The following FNBP1L variants were observed in gnomAD, a reference collection of about 807,000 sequenced individuals.
FNBP1L encodes formin-binding protein 1-like.
FNBP1L carries 36 observed loss-of-function variants against 91.2 expected under a neutral mutation model. The ratio of observed to expected loss-of-function variants is 0.39; its 90% CI spans 0.30 to 0.52. The LOEUF is 0.52. FNBP1L is among the 20% of genes least tolerant of loss of function. FNBP1L has a pLI of 0.66. For synonymous variants in FNBP1L, 242 were observed against 237.0 expected (o/e 1.02, Z -0.19); for missense variants, 571 against 732.1 (o/e 0.78, Z 2.54).
intron 16 of FNBP1L, 145 bp from the exon 17 acceptor site, chr1:93,552,264 C>T: frequency 7.0e-7 from 1 of 1,437,986 alleles, no homozygotes; most frequent in Non-Finnish European, 9.1e-7. Flanking sequence ...TAATTTTGCC[C>T]ATGTTTTAAA....
At chr1:93,502,287 G>A (rs1165908609) in intron 2 of FNBP1L, among the ~76,000 whole-genome samples, 1 of 152,132 alleles carries the variant, frequency 6.6e-6, no homozygotes, top group East Asian at 1.9e-4. Context: ...CTTTTGAATT[G>A]TAGTCTTTTC....
At chr1:93,509,757 C>A (rs948443663) in intron 2 of FNBP1L, among the ~76,000 whole-genome samples, 8 of 152,226 alleles carry the variant, frequency 5.3e-5, no homozygotes, top group African/African-American at 1.9e-4. Flanking sequence ...GGTGCACGCA[C>A]CGTGCACGAG....
chr1:93,460,012 T>A (rs529997304), intron 1 of FNBP1L, among the ~76,000 whole-genome samples: 1 of 151,562 alleles, frequency 6.6e-6, no homozygotes, highest in African/African-American at 2.4e-5. Flanking sequence ...ATTATACTTA[T>A]CAATTGAGCA....
At chr1:93,527,826 A>G (rs1671541575) in intron 5 of FNBP1L, among the ~76,000 whole-genome samples, 1 of 152,196 alleles carries the variant, frequency 6.6e-6, no homozygotes, top group African/African-American at 2.4e-5. Flanking sequence ...TGACTATGAA[A>G]GGAAATGAAA....
Position 93,465,366 on chromosome 1 carries a change from C to G in FNBP1L, c.24+17061C>G, listed in dbSNP as rs138618734. Among the ~76,000 whole-genome samples, 1,513 of 152,044 alleles carry G rather than the reference C, an allele frequency of 1.0e-2. 27 individuals are homozygous for G. The highest frequency in any genetic ancestry group is 0.035 in the African/African-American group (1,442 of 41,442). ...TATCCCTCCCCCAGCCTCCCACCCC[C>G]CAACAGGCCGCGGTGTGTGATGTTC... On this transcript the variant is annotated intron_variant, in intron 1 of 16. Transcript: ENST00000271234.
intron 2 of FNBP1L, among the ~76,000 whole-genome samples, chr1:93,514,424 G>C (rs1670990689): frequency 6.8e-6 from 1 of 146,584 alleles, no homozygotes; most frequent in Non-Finnish European, 1.5e-5. Context: ...CTACTTTAAA[G>C]TTCATATGGA....
chr1:93,460,223 A>G (rs967394415), intron 1 of FNBP1L, among the ~76,000 whole-genome samples: 1 of 152,174 alleles, frequency 6.6e-6, no homozygotes, highest in Admixed American at 6.5e-5. Context: ...TACAGCCCTT[A>G]TAAAAGGACT....
At chr1:93,478,966 C>A (rs145882394) in intron 1 of FNBP1L, among the ~76,000 whole-genome samples, 1 of 152,158 alleles carries the variant, frequency 6.6e-6, no homozygotes, top group Non-Finnish European at 1.5e-5. Flanking sequence ...AAAAGGCAGC[C>A]ATTTAAACTT....
chr1:93,538,259 ATTT>A (rs35394326), intron 10 of FNBP1L, among the ~76,000 whole-genome samples: 3 of 144,852 alleles, frequency 2.1e-5, no homozygotes, highest in African/African-American at 5.1e-5. Flanking sequence ...GTGTCATCTT[ATTT>A]TTTTTTTTTT....
At chr1:93,469,236 A>C (rs913210794) in intron 1 of FNBP1L, among the ~76,000 whole-genome samples, 29 of 141,706 alleles carry the variant, frequency 2.0e-4, no homozygotes, top group African/African-American at 3.4e-4. Flanking sequence ...TCCTCCCCTA[A>C]CCCCCCACCC....
chr1:93,536,410 A>G lies in FNBP1L; in HGVS notation c.1069A>G (p.Ile357Val), dbSNP rs1470028227. The change falls in exon 10 of 17, where the codon ATT becomes GTT. Residue 357 changes from isoleucine to valine, a missense_variant. Physicochemically the swap from Ile to Val is conservative, Grantham distance 29. Coordinates refer to ENST00000271234, the MANE Select transcript of FNBP1L (RefSeq NM_001164473.3). Reference protein sequence around the residue: ...PNGSQFLTFSIEPVHYCMNEI... With the variant: ...PNGSQFLTFSVEPVHYCMNEI... ...TGGGTCCCAGTTTCTCACATTCTCC[A>G]TTGAGCCCGTGCATTATTGTATGAA... 2.6e-6 allele frequency: 4 copies of G among 1,550,854 alleles called. No individual in the cohort carries two copies.
At chr1:93,476,480 A>AT (rs1164093510) in intron 1 of FNBP1L, among the ~76,000 whole-genome samples, 2 of 152,248 alleles carry the variant, frequency 1.3e-5, no homozygotes, top group African/African-American at 4.8e-5. Context: ...TAACCTAAGG[A>AT]TAGGGATATT....
intron 1 of FNBP1L, among the ~76,000 whole-genome samples, chr1:93,454,670 G>A (rs1035894906): frequency 6.6e-6 from 1 of 151,744 alleles, no homozygotes; most frequent in Non-Finnish European, 1.5e-5. Flanking sequence ...TATACTGTAG[G>A]CCCTCCATAT....
chr1:93,500,764 G>A (rs1670418137), intron 2 of FNBP1L, among the ~76,000 whole-genome samples: 1 of 152,198 alleles, frequency 6.6e-6, no homozygotes, highest in Admixed American at 6.5e-5. Flanking sequence ...CTGACTGGAT[G>A]TAGGGATGGA....
chr1:93,547,102 T>G, intron 13 of FNBP1L, 128 bp downstream of exon 13: 2 of 1,133,130 alleles, frequency 1.8e-6, no homozygotes, highest in Non-Finnish European at 2.5e-6. Context: ...CTAAAAGTAT[T>G]ATTGTGATGT....
At chr1:93,519,777 C>G (rs1279764709) in intron 2 of FNBP1L, among the ~76,000 whole-genome samples, 6 of 152,110 alleles carry the variant, frequency 3.9e-5, no homozygotes, top group Non-Finnish European at 1.5e-5. Flanking sequence ...TAGTGAAACC[C>G]TGTCTCTTTA....
Position 93,448,281 on chromosome 1 carries a change from C to A in FNBP1L, c.-1C>A. The stretch of plus-strand genomic sequence containing the variant: ...CCGCCAGACGGCCAGAAAGTTCCGC[C>A]ATGAGCTGGGGCACGGAGCTGTGGG... On this transcript the variant is annotated 5_prime_UTR_variant, in exon 1 of 17. Coordinates refer to ENST00000271234, the MANE Select transcript of FNBP1L (RefSeq NM_001164473.3). The A allele has an allele frequency of 6.6e-7, 1 of 1,519,294 alleles. No individual in the cohort carries two copies. The highest frequency in any genetic ancestry group is 8.8e-7 in the Non-Finnish European group (1 of 1,133,204). 94.1% of individuals were successfully genotyped at this position (1,519,294 alleles called of 1,614,324 possible).
At chr1:93,521,995 G>T in intron 2 of FNBP1L, 87 bp from the exon 3 acceptor site, 1 of 710,646 alleles carries the variant, frequency 1.4e-6, no homozygotes. Context: ...TAAAATTCAT[G>T]ATTGAATGAA....
intron 1 of FNBP1L, 102 bp downstream of exon 1, chr1:93,448,407 C>T: frequency 7.7e-7 from 1 of 1,291,680 alleles, no homozygotes; most frequent in South Asian, 1.6e-5. Flanking sequence ...GCTCCGCCGT[C>T]CTCGGTCCGG....
Sources: allele counts gnomAD v4.1 joint callset (sites outside exome capture counted in the v4.1 genomes callset), GRCh38; gene constraint gnomAD v4.1.1; transcripts MANE v1.5; gene names NCBI Gene and HGNC (gene_info 2026-07-23, HGNC 2026-07-21).